Variants in XPO4 observed in about 807,000 individuals in gnomAD.
The protein encoded by XPO4 is exportin-4.
A neutral mutation model predicts 143.0 loss-of-function variants in XPO4; 39 were observed. The ratio of observed to expected loss-of-function variants is 0.27; its 90% CI spans 0.21 to 0.36. The LOEUF (loss-of-function observed/expected upper bound fraction) is 0.36. XPO4 is among the 10% of genes least tolerant of loss of function. XPO4 has a pLI of 1.00. For synonymous variants in XPO4, 439 were observed against 474.0 expected (o/e 0.93, Z 0.96); for missense variants, 907 against 1,348.0 (o/e 0.67, Z 5.12).
chr13:20,816,637 T>C (rs2137930175), intron 9 of XPO4, among the ~76,000 whole-genome samples: 1 of 152,344 alleles, frequency 6.6e-6, no homozygotes, highest in African/African-American at 2.4e-5. Flanking sequence ...AAGTAAGCTT[T>C]ATTCTAAATC....
intron 7 of XPO4, among the ~76,000 whole-genome samples, chr13:20,825,537 C>T (rs532586877): frequency 1.3e-5 from 2 of 152,268 alleles, no homozygotes; most frequent in Admixed American, 6.5e-5. Flanking sequence ...AAGTTATTTG[C>T]GTGTGGTTGT....
intron 13 of XPO4, among the ~76,000 whole-genome samples, chr13:20,801,566 T>A (rs924429047): frequency 1.3e-5 from 2 of 152,236 alleles, no homozygotes; most frequent in African/African-American, 2.4e-5. Flanking sequence ...TAAGTACACA[T>A]ATTGTCCTTT....
chr13:20,815,045 CAA>C (rs1261755020), intron 9 of XPO4, among the ~76,000 whole-genome samples: 1 of 152,038 alleles, frequency 6.6e-6, no homozygotes, highest in Non-Finnish European at 1.5e-5. Flanking sequence ...TTTTTGACAT[CAA>C]ATTGAATTTC....
intron 19 of XPO4, among the ~76,000 whole-genome samples, chr13:20,789,194 A>C (rs960538665): frequency 6.6e-6 from 1 of 152,178 alleles, no homozygotes; most frequent in African/African-American, 2.4e-5. Flanking sequence ...CTAAATGCAA[A>C]TCAATATGGA....
intron 19 of XPO4, among the ~76,000 whole-genome samples, chr13:20,789,007 T>A (rs921344701): frequency 2.6e-5 from 4 of 152,306 alleles, no homozygotes; most frequent in Middle Eastern, 6.8e-3. Flanking sequence ...TTCAAGAAGG[T>A]TAATACAAAT....
At chr13:20,885,819 C>CA (rs1386196435) in intron 1 of XPO4, among the ~76,000 whole-genome samples, 1 of 55,204 alleles carries the variant, frequency 1.8e-5, no homozygotes, top group African/African-American at 6.0e-5. Flanking sequence ...AATAAGTTTA[C>CA]AAAAGTAGAA....
intron 13 of XPO4, 49 bp from the exon 14 acceptor site, chr13:20,801,039 T>C (rs1192307375): frequency 1.3e-6 from 2 of 1,586,072 alleles, no homozygotes; most frequent in South Asian, 1.2e-5. Flanking sequence ...ATTTAGTTGC[T>C]GTCTAATCAT....
intron 18 of XPO4, among the ~76,000 whole-genome samples, chr13:20,791,427 T>C (rs2059278743): frequency 6.6e-6 from 1 of 152,176 alleles, no homozygotes; most frequent in African/African-American, 2.4e-5. Flanking sequence ...AAATGATCAC[T>C]GCATCACCAT....
chr13:20,849,749 T>TA (rs2060064773), intron 4 of XPO4: 5 of 985,142 alleles, frequency 5.1e-6, no homozygotes, highest in Non-Finnish European at 1.2e-6. Context: ...ACCAAGTCTT[T>TA]AAGATACTTC....
chr13:20,808,842 T>A (rs1335875995), intron 11 of XPO4, among the ~76,000 whole-genome samples: 2 of 152,240 alleles, frequency 1.3e-5, no homozygotes, highest in Non-Finnish European at 2.9e-5. Flanking sequence ...TTTTTACTGA[T>A]ATGGGTCAAA....
intron 18 of XPO4, among the ~76,000 whole-genome samples, chr13:20,791,610 G>A (rs976568230): frequency 2.0e-5 from 3 of 152,170 alleles, no homozygotes; most frequent in South Asian, 2.1e-4. Flanking sequence ...AATTTAGTTC[G>A]CAGCTTGCCA....
intron 4 of XPO4, among the ~76,000 whole-genome samples, chr13:20,845,567 C>G (rs79922205): frequency 0.01 from 1,542 of 152,306 alleles, 31 homozygotes; most frequent in African/African-American, 0.035. Context: ...CAGAAAAAAA[C>G]AGTTGATCAC....
chr13:20,816,394 A>C (rs2137928715), intron 9 of XPO4, among the ~76,000 whole-genome samples: 1 of 152,330 alleles, frequency 6.6e-6, no homozygotes, highest in South Asian at 2.1e-4. Flanking sequence ...AGGAATTTAG[A>C]AGTCTTTGAA....
chr13:20,850,621 C>T lies in XPO4; in HGVS notation c.456+5006G>A, dbSNP rs144937049. The stretch of plus-strand genomic sequence containing the variant: ...TTTACAAAAAAATTTTAAAATTAGC[C>T]AGGTACAGTGGCACGTACCAACAGT... On this transcript the variant is annotated intron_variant, in intron 4 of 22. Transcript: ENST00000255305. The T allele has an allele frequency of 1.3e-3, 315 of 239,408 alleles. 1 individual carries two copies. The highest frequency in any genetic ancestry group is 7.1e-3 in the African/African-American group (305 of 43,080). The allele number at this position is 239,408 out of a possible 1,614,324, so 14.8% of individuals were successfully genotyped here.
chr13:20,878,516 A>G (rs1223653368), intron 1 of XPO4, among the ~76,000 whole-genome samples: 1 of 152,254 alleles, frequency 6.6e-6, no homozygotes, highest in African/African-American at 2.4e-5. Context: ...AACTACAGCT[A>G]TATTTACCAA....
At chr13:20,796,320 A>G in intron 17 of XPO4, 64 bp from the exon 18 acceptor site, 1 of 1,202,848 alleles carries the variant, frequency 8.3e-7, no homozygotes, top group Non-Finnish European at 1.1e-6. Context: ...AAATTTTAAA[A>G]TATAATCTAT....
At chr13:20,814,521 T>C (rs1458498751) in intron 9 of XPO4, among the ~76,000 whole-genome samples, 2 of 152,236 alleles carry the variant, frequency 1.3e-5, no homozygotes, top group Admixed American at 6.5e-5. Flanking sequence ...GTGAGAAATA[T>C]GGTTGTTGAC....
At chr13:20,864,800 A>G (rs1453629429) in intron 2 of XPO4, among the ~76,000 whole-genome samples, 1 of 151,816 alleles carries the variant, frequency 6.6e-6, no homozygotes, top group African/African-American at 2.4e-5. Flanking sequence ...TTTTTCTTAG[A>G]CCTCTGCATG....
chr13:20,871,087 T>C (rs902332324), intron 1 of XPO4, among the ~76,000 whole-genome samples: 1 of 151,930 alleles, frequency 6.6e-6, no homozygotes, highest in Non-Finnish European at 1.5e-5. Flanking sequence ...GGATTATGAG[T>C]GTAAGCCATC....
Sources: allele counts gnomAD v4.1 joint callset (sites outside exome capture counted in the v4.1 genomes callset), GRCh38; gene constraint gnomAD v4.1.1; transcripts MANE v1.5; gene names NCBI Gene and HGNC (gene_info 2026-07-23, HGNC 2026-07-21).